Variants in FMNL2 observed in about 807,000 individuals in gnomAD.
The protein encoded by FMNL2 is formin-like protein 2.
In FMNL2, 51 loss-of-function variants were observed where a neutral mutation model predicts 130.2. That is an observed-to-expected ratio of 0.39 (90% confidence interval 0.31 to 0.49). The LOEUF (loss-of-function observed/expected upper bound fraction) is 0.49, where lower values mean the gene tolerates loss of function less well. Among genes scored for constraint, FMNL2 ranks in the 20% least tolerant of loss-of-function variants. The pLI is 0.85. For synonymous variants in FMNL2, 465 were observed against 467.1 expected (o/e 1.00, Z 0.06); for missense variants, 977 against 1,316.2 (o/e 0.74, Z 3.99).
At chr2:152,494,906 C>T (rs1290737657) in intron 1 of FMNL2, among the ~76,000 whole-genome samples, 1 of 152,102 alleles carries the variant, frequency 6.6e-6, no homozygotes, top group Admixed American at 6.6e-5. Flanking sequence ...TTACTGTGCA[C>T]CTATTATGTG....
rs892850186 is a variant in FMNL2 at position 152,436,036 on chromosome 2, G to A, written c.118-85907G>A. ...AACATTGTTTATACCACTAAAAGAC[G>A]TGCTTAGTTTTTTTTTTTTCTCCAT... On this transcript the variant is annotated intron_variant, in intron 1 of 25. Transcript: ENST00000288670. Among the ~76,000 whole-genome samples the A allele has an allele frequency of 4.7e-5, 6 of 128,008 alleles. No individual in the cohort carries two copies. The South Asian group carries it at 9.2e-4, about 20-fold the overall frequency. The allele number at this position is 128,008 out of a possible 152,430, so 84.0% of individuals were successfully genotyped here. A position where few individuals can be genotyped will look rare whatever the true frequency, so the allele number is the denominator to read the frequency against.
intron 1 of FMNL2, among the ~76,000 whole-genome samples, chr2:152,462,138 C>A (rs1689284893): frequency 6.6e-6 from 1 of 152,124 alleles, no homozygotes; most frequent in Non-Finnish European, 1.5e-5. Flanking sequence ...GTTGGGATTA[C>A]ATGTGGGAGC....
intron 1 of FMNL2, among the ~76,000 whole-genome samples, chr2:152,433,866 A>T (rs1019429516): frequency 1.4e-4 from 22 of 152,194 alleles, no homozygotes; most frequent in Admixed American, 1.4e-3. Flanking sequence ...AGTGGGGGAA[A>T]ATCAGTCTGA....
chr2:152,621,546 C>T (rs1447227600), intron 15 of FMNL2, among the ~76,000 whole-genome samples: 1 of 152,126 alleles, frequency 6.6e-6, no homozygotes, highest in East Asian at 1.9e-4. Context: ...GTGGCTCATG[C>T]AATTTAGAGG....
At chr2:152,456,189 C>A (rs1204494545) in intron 1 of FMNL2, among the ~76,000 whole-genome samples, 3 of 152,178 alleles carry the variant, frequency 2.0e-5, no homozygotes, top group Non-Finnish European at 2.9e-5. Context: ...TTGACAAGCT[C>A]TTATTTTGAT....
intron 1 of FMNL2, among the ~76,000 whole-genome samples, chr2:152,501,135 GC>G (rs1177858807): frequency 6.6e-6 from 1 of 152,170 alleles, no homozygotes; most frequent in Admixed American, 6.5e-5. Flanking sequence ...AATTCTTTGT[GC>G]CCTTATGCCC....
rs573722518 is a variant in FMNL2, at chr2:152,402,894, C to T, written c.117+67174C>T. 3.3e-5 allele frequency among the ~76,000 whole-genome samples: 5 copies of T among 152,246 alleles called. 1 individual carries two copies. Among genetic ancestry groups the T allele is most frequent in the Middle Eastern group, 6.8e-3 (2 of 292 alleles). On this transcript the variant is annotated intron_variant, in intron 1 of 25. Coordinates refer to ENST00000288670, the MANE Select transcript of FMNL2 (RefSeq NM_052905.4). ...TCAGTTGATACTTAATGTTCTTTTTCGGTCCGGGGATCCCATCCAGGATGC... is the reference window on the plus strand; with the variant it reads ...TCAGTTGATACTTAATGTTCTTTTTTGGTCCGGGGATCCCATCCAGGATGC...
intron 2 of FMNL2, among the ~76,000 whole-genome samples, chr2:152,531,788 A>C (rs557584757): frequency 6.6e-6 from 1 of 152,196 alleles, no homozygotes. Flanking sequence ...GGGAAGGCAT[A>C]CAGTGGGATC....
At chr2:152,643,322 G>C in intron 25 of FMNL2, 3 of 1,480,506 alleles carry the variant, frequency 2.0e-6, no homozygotes, top group East Asian at 2.5e-5. Flanking sequence ...CCCATCCCCA[G>C]GTATGATTAA....
At chr2:152,609,752 T>C (rs568328506) in intron 10 of FMNL2, among the ~76,000 whole-genome samples, 1 of 152,238 alleles carries the variant, frequency 6.6e-6, no homozygotes, top group East Asian at 1.9e-4. Context: ...AGAATCTAAC[T>C]TGATAAAAAA....
chr2:152,459,911 T>G (rs773162519), intron 1 of FMNL2, among the ~76,000 whole-genome samples: 1 of 152,220 alleles, frequency 6.6e-6, no homozygotes, highest in Non-Finnish European at 1.5e-5. Flanking sequence ...GTGAGACACT[T>G]GTTTTAGAAA....
At chr2:152,536,701 A>C (rs1480695660) in intron 2 of FMNL2, among the ~76,000 whole-genome samples, 1 of 152,212 alleles carries the variant, frequency 6.6e-6, no homozygotes, top group Non-Finnish European at 1.5e-5. Context: ...GGCTATACCA[A>C]ACGGGAGAGA....
In FMNL2 at chr2:152,335,371, A is replaced by G; in HGVS notation, c.-233A>G. The G allele has an allele frequency of 1.2e-5, 3 of 254,034 alleles. No individual in the cohort carries two copies. Among genetic ancestry groups the G allele is most frequent in the Non-Finnish European group, 2.2e-5 (3 of 135,948 alleles). The allele number at this position is 254,034 out of a possible 1,614,324, so 15.7% of individuals were successfully genotyped here. ...CGCCCCAACTACCCCTCCCGAGGAA[A>G]AGAGGCCGGGGCCGCGCTGGGGCGG... On this transcript the variant is annotated 5_prime_UTR_variant, in exon 1 of 26. Coordinates refer to ENST00000288670, the MANE Select transcript of FMNL2 (RefSeq NM_052905.4).
intron 21 of FMNL2, among the ~76,000 whole-genome samples, 154 bp downstream of exon 21, chr2:152,632,291 T>A (rs994595568): frequency 1.1e-4 from 17 of 152,224 alleles, no homozygotes; most frequent in Admixed American, 5.9e-4. Context: ...GCCGTGGTGT[T>A]GTCCACCCCT....
At chr2:152,412,496 ATATAT>A (rs1558841111) in intron 1 of FMNL2, among the ~76,000 whole-genome samples, 24 of 77,418 alleles carry the variant, frequency 3.1e-4, no homozygotes, top group African/African-American at 1.1e-3. Flanking sequence ...ATATATATAT[ATATAT>A]AAATTAGAAA....
chr2:152,557,976 A>G (rs1360158568), intron 4 of FMNL2, among the ~76,000 whole-genome samples: 1 of 152,202 alleles, frequency 6.6e-6, no homozygotes, highest in Admixed American at 6.5e-5. Context: ...GTGACATTTT[A>G]CATCCATCTC....
At chr2:152,345,288 T>C (rs987665163) in intron 1 of FMNL2, among the ~76,000 whole-genome samples, 1 of 152,168 alleles carries the variant, frequency 6.6e-6, no homozygotes, top group Non-Finnish European at 1.5e-5. Context: ...GATGACAATT[T>C]TACAGTGGCA....
intron 1 of FMNL2, among the ~76,000 whole-genome samples, chr2:152,475,984 G>A (rs1392192545): frequency 1.3e-5 from 2 of 152,346 alleles, no homozygotes; most frequent in East Asian, 1.9e-4. Flanking sequence ...CATAGATTTA[G>A]CACTTTGAGC....
intron 22 of FMNL2, among the ~76,000 whole-genome samples, chr2:152,636,978 A>C (rs1682667978): frequency 6.6e-6 from 1 of 152,170 alleles, no homozygotes; most frequent in Non-Finnish European, 1.5e-5. Context: ...GGTTGCTGAT[A>C]GATAGGCAGG....
Sources: gnomAD v4.1 joint callset for allele counts (sites outside exome capture counted in the v4.1 genomes callset) on GRCh38, gnomAD v4.1.1 for gene constraint, MANE v1.5 for transcripts, NCBI Gene and HGNC (gene_info 2026-07-23, HGNC 2026-07-21) for gene names.